The following GPC5 variants were observed in gnomAD, a reference collection of about 807,000 sequenced individuals.
GPC5 encodes the protein glypican 5.
In GPC5, 47 loss-of-function variants were observed where a neutral mutation model predicts 53.9. That is an observed-to-expected ratio of 0.87 (90% CI 0.69 to 1.11). The LOEUF (loss-of-function observed/expected upper bound fraction) is 1.11, where lower values mean the gene tolerates loss of function less well. Ranked by LOEUF, GPC5 falls within the 50% of genes most tolerant of loss-of-function variation. GPC5 has a pLI of 0.00. For missense variants in GPC5, 748 were observed against 713.1 expected (o/e 1.05, Z -0.56); for synonymous variants, 286 against 263.3 (o/e 1.09, Z -0.84).
At chr13:92,482,130 TAA>T (rs202079933) in intron 7 of GPC5, among the ~76,000 whole-genome samples, 2 of 146,578 alleles carry the variant, frequency 1.4e-5, no homozygotes, top group African/African-American at 2.5e-5. Context: ...AAACTCTGCC[TAA>T]AAAAAAAAAA....
intron 7 of GPC5, among the ~76,000 whole-genome samples, chr13:92,368,742 A>G (rs1222298204): frequency 6.6e-6 from 1 of 151,824 alleles, no homozygotes; most frequent in Non-Finnish European, 1.5e-5. Flanking sequence ...TTTGAATAGT[A>G]CATGTGCAAA....
At chr13:91,750,674 CTTTTTTTTTTTTTT>C (rs752907631) in intron 4 of GPC5, among the ~76,000 whole-genome samples, 1 of 82,018 alleles carries the variant, frequency 1.2e-5, no homozygotes, top group Non-Finnish European at 2.2e-5. Context: ...TAGGTAAGTC[CTTTTTTTTTTTTTT>C]TTTTTTTTTG....
intron 7 of GPC5, among the ~76,000 whole-genome samples, chr13:92,581,547 T>C (rs573348637): frequency 2.6e-5 from 4 of 152,178 alleles, no homozygotes; most frequent in Non-Finnish European, 5.9e-5. Flanking sequence ...CAGATATCTC[T>C]TTGACATACC....
intron 5 of GPC5, among the ~76,000 whole-genome samples, chr13:91,758,108 A>G (rs1463722891): frequency 1.3e-5 from 2 of 152,114 alleles, no homozygotes; most frequent in African/African-American, 4.8e-5. Flanking sequence ...ATTGGCTGAT[A>G]TGACTAGTGC....
chr13:91,868,032 A>G (rs1413990364), intron 5 of GPC5, among the ~76,000 whole-genome samples: 1 of 152,198 alleles, frequency 6.6e-6, no homozygotes, highest in East Asian at 1.9e-4. Context: ...TAGATACAGG[A>G]AAATGGTGTG....
intron 7 of GPC5, among the ~76,000 whole-genome samples, chr13:92,419,791 TCCC>T (rs1876480293): frequency 6.6e-6 from 1 of 152,150 alleles, no homozygotes; most frequent in Non-Finnish European, 1.5e-5. Flanking sequence ...AACTGAGGGA[TCCC>T]ACTCATTTTC....
At chr13:92,473,805 A>G (rs1330758226) in intron 7 of GPC5, among the ~76,000 whole-genome samples, 1 of 152,138 alleles carries the variant, frequency 6.6e-6, no homozygotes, top group Non-Finnish European at 1.5e-5. Context: ...CATTAAGGAA[A>G]TGGCCAGGAA....
chr13:92,834,287 A>T (rs564935216), intron 7 of GPC5, among the ~76,000 whole-genome samples: 1 of 152,284 alleles, frequency 6.6e-6, no homozygotes, highest in East Asian at 1.9e-4. Context: ...GTAAGAAAAA[A>T]CTTTGCATAT....
At chr13:92,642,089 A>G (rs1283460716) in intron 7 of GPC5, among the ~76,000 whole-genome samples, 1 of 152,154 alleles carries the variant, frequency 6.6e-6, no homozygotes, top group Non-Finnish European at 1.5e-5. Context: ...GAAGCTAGGG[A>G]TTGTAATATA....
chr13:91,577,230 T>C lies in GPC5; in HGVS notation c.326-115957T>C, dbSNP rs945531. 8.2e-3 allele frequency among the ~76,000 whole-genome samples: 1,253 copies of C among 152,320 alleles called. 19 individuals carry two copies. The highest frequency in any genetic ancestry group is 0.028 in the African/African-American group (1,181 of 41,568). On this transcript the variant is annotated intron_variant, in intron 2 of 7. Transcript: ENST00000377067. ...TGTCAGGTGGGAATTGTGGAAGTAG[T>C]TGGGTCTTTGGGAAATTCAACTTGG...
chr13:92,008,332 G>A (rs2040628945), intron 6 of GPC5, among the ~76,000 whole-genome samples: 2 of 152,210 alleles, frequency 1.3e-5, no homozygotes, highest in South Asian at 2.1e-4. Flanking sequence ...AAAGTGCTAG[G>A]ATTACAGGCG....
At chr13:91,725,603 ATATCT>A (rs1300396382) in intron 3 of GPC5, among the ~76,000 whole-genome samples, 2 of 152,224 alleles carry the variant, frequency 1.3e-5, no homozygotes, top group African/African-American at 4.8e-5. Flanking sequence ...ACAATCAAAG[ATATCT>A]TATAAGTCTA....
chr13:92,073,936 A>T (rs1228918819), intron 6 of GPC5, among the ~76,000 whole-genome samples: 1 of 152,060 alleles, frequency 6.6e-6, no homozygotes, highest in Non-Finnish European at 1.5e-5. Context: ...TGATGGTTTT[A>T]TATGGGTCTT....
At chr13:92,396,375 T>A (rs927866759) in intron 7 of GPC5, among the ~76,000 whole-genome samples, 1 of 152,190 alleles carries the variant, frequency 6.6e-6, no homozygotes, top group African/African-American at 2.4e-5. Flanking sequence ...ATATGTGCTT[T>A]CATGTCATGT....
At chr13:92,463,625 A>G (rs773573282) in intron 7 of GPC5, among the ~76,000 whole-genome samples, 33 of 152,198 alleles carry the variant, frequency 2.2e-4, no homozygotes, top group Non-Finnish European at 4.3e-4. Flanking sequence ...TTAACTCTAG[A>G]GGAGCTCTTC....
chr13:92,803,170 C>G (rs1209045531), intron 7 of GPC5, among the ~76,000 whole-genome samples: 1 of 151,860 alleles, frequency 6.6e-6, no homozygotes, highest in Non-Finnish European at 1.5e-5. Context: ...TAAGCAAATA[C>G]AAATGATATG....
chr13:92,359,084 A>G (rs2043545643), intron 7 of GPC5, among the ~76,000 whole-genome samples: 2 of 151,676 alleles, frequency 1.3e-5, no homozygotes, highest in South Asian at 4.1e-4. Flanking sequence ...TCAGTTTCAG[A>G]TTATCTCTTT....
At chr13:92,251,133 C>T (rs2042689911) in intron 7 of GPC5, among the ~76,000 whole-genome samples, 1 of 151,990 alleles carries the variant, frequency 6.6e-6, no homozygotes, top group African/African-American at 2.4e-5. Context: ...TCCAGAAAAC[C>T]TTGATATATA....
At chr13:91,907,503 T>TATA (rs2039566577) in intron 5 of GPC5, among the ~76,000 whole-genome samples, 54 of 129,538 alleles carry the variant, frequency 4.2e-4, no homozygotes, top group South Asian at 1.5e-3. Flanking sequence ...CTCTCTCTCT[T>TATA]TATATATATA....
Sources: gnomAD v4.1 joint callset for allele counts (sites outside exome capture counted in the v4.1 genomes callset) on GRCh38, gnomAD v4.1.1 for gene constraint, MANE v1.5 for transcripts, NCBI Gene and HGNC (gene_info 2026-07-23, HGNC 2026-07-21) for gene names.